NUP210: variants seen among roughly 807,000 people sequenced by gnomAD.
The protein encoded by NUP210 is nucleoporin 210.
NUP210 carries 151 observed loss-of-function variants against 196.0 expected under a neutral mutation model. The ratio of observed to expected loss-of-function variants is 0.77; its 90% confidence interval spans 0.67 to 0.88. The LOEUF (loss-of-function observed/expected upper bound fraction) is 0.88, where lower values mean the gene tolerates loss of function less well. NUP210 is among the 40% of genes least tolerant of loss of function. The probability of loss-of-function intolerance (pLI) is 0.00; values close to 1 mark genes in which losing one functional copy is unlikely to be tolerated. For missense variants in NUP210, 2,314 were observed against 2,493.7 expected, an observed-to-expected ratio of 0.93 and a Z score of 1.53; for synonymous variants, 1,070 against 1,052.7, an observed-to-expected ratio of 1.02 and a Z score of -0.32.
At chr3:13,390,271 T>G (rs991012620) in intron 4 of NUP210, among the ~76,000 whole-genome samples, 1 of 152,128 alleles carries the variant, frequency 6.6e-6, no homozygotes, top group Admixed American at 6.5e-5. Flanking sequence ...AGACCACTTT[T>G]TGGACTAAAC....
intron 2 of NUP210, among the ~76,000 whole-genome samples, chr3:13,398,730 G>A (rs979374567): frequency 6.6e-6 from 1 of 152,068 alleles, no homozygotes; most frequent in Non-Finnish European, 1.5e-5. Flanking sequence ...AACCAGCCTG[G>A]ACAACACAGG....
chr3:13,408,787 CAAAAAAA>C (rs57395477), intron 1 of NUP210, among the ~76,000 whole-genome samples: 2 of 77,046 alleles, frequency 2.6e-5, no homozygotes, highest in Non-Finnish European at 6.0e-5. Context: ...GACTCTGTCT[CAAAAAAA>C]AAAAAAAAAA....
At chr3:13,395,382 A>G (rs1439930934) in intron 3 of NUP210, among the ~76,000 whole-genome samples, 2 of 152,242 alleles carry the variant, frequency 1.3e-5, no homozygotes, top group Non-Finnish European at 2.9e-5. Context: ...CAATGGTGCC[A>G]TCTCGGCTCA....
chr3:13,359,444 G>A (rs1698296104), intron 15 of NUP210, among the ~76,000 whole-genome samples: 1 of 151,926 alleles, frequency 6.6e-6, no homozygotes. Context: ...CATCTTTTCT[G>A]GCCATACCAG....
intron 3 of NUP210, among the ~76,000 whole-genome samples, chr3:13,393,518 G>A (rs1699556636): frequency 6.6e-6 from 1 of 152,244 alleles, no homozygotes. Context: ...GATTTGCAGG[G>A]CTCCGTGCAG....
intron 1 of NUP210, among the ~76,000 whole-genome samples, chr3:13,413,448 C>A (rs1050677291): frequency 2.0e-5 from 3 of 150,332 alleles, no homozygotes; most frequent in East Asian, 1.9e-4. Flanking sequence ...CCAGCCTGGG[C>A]GACAGAGCAA....
intron 36 of NUP210, 144 bp from the exon 37 acceptor site, chr3:13,320,123 C>CCCA: frequency 2.6e-6 from 2 of 758,912 alleles, no homozygotes; most frequent in African/African-American, 1.7e-5. Context: ...TGCTGGGCTT[C>CCCA]CCTCCTGGGG....
At chr3:13,361,474 C>T (rs1274521176) in intron 14 of NUP210, among the ~76,000 whole-genome samples, 1 of 152,170 alleles carries the variant, frequency 6.6e-6, no homozygotes, top group African/African-American at 2.4e-5. Flanking sequence ...TCCCAGCCAA[C>T]CTCCAGGAAG....
rs547947128 is a variant in NUP210, at chr3:13,343,029, G to A, written c.2964+146C>T. 10 of 930,150 alleles carry A rather than the reference G, an allele frequency of 1.1e-5. No individual in the cohort carries two copies. The East Asian group carries it at 2.5e-4, about 23-fold the overall frequency. 57.6% of individuals were successfully genotyped at this position (930,150 alleles called of 1,614,324 possible). A position where few individuals can be genotyped will look rare whatever the true frequency, so the allele number is the denominator to read the frequency against. On this transcript the variant is annotated intron_variant, in intron 21 of 39. Transcript: ENST00000254508. ...TCCTCCACATGGAGCGAAGGAGATGGGAGACAGCTCCGCAAGCTCACAGGG... is the reference window on the plus strand; with the variant it reads ...TCCTCCACATGGAGCGAAGGAGATGAGAGACAGCTCCGCAAGCTCACAGGG...
Position 13,322,294 on chromosome 3 carries a change from G to C in NUP210, c.4814C>G (p.Pro1605Arg). Reference sequence around the variant, plus strand: ...GGACTGGCAGCTGATGAGGGTCTCTGGGTGCAAGGCCTGGATGACTTCCCT... The same window carrying C: ...GGACTGGCAGCTGATGAGGGTCTCTCGGTGCAAGGCCTGGATGACTTCCCT... The part of the protein sequence containing the change: ...TQREVIQALH[P>R]ETLISCQSQF... The change falls in exon 35 of 40, where the codon CCA becomes CGA. Residue 1605 changes from proline (P) to arginine (R), a missense_variant. Coordinates refer to ENST00000254508, the MANE Select transcript of NUP210 (RefSeq NM_024923.4). The C allele has an allele frequency of 1.9e-6, 3 of 1,614,218 alleles. No individual in the cohort carries two copies. Among genetic ancestry groups the C allele is most frequent in the Non-Finnish European group, 8.5e-7 (1 of 1,180,036 alleles).
chr3:13,402,550 G>A (rs1432308442), intron 1 of NUP210, among the ~76,000 whole-genome samples: 2 of 152,096 alleles, frequency 1.3e-5, no homozygotes, highest in Non-Finnish European at 2.9e-5. Flanking sequence ...GCTCTTCCCT[G>A]GGCTGCCACA....
Position 13,323,290 on chromosome 3 carries a change from C to T in NUP210, c.4768+19G>A. ...GCTCCCAGGTACTCTGAAGACAGCC[C>T]AAGCCCCTCATTAAGTACCTCTCAG... On this transcript the variant is annotated intron_variant, in intron 34 of 39. Coordinates refer to ENST00000254508, the MANE Select transcript of NUP210 (RefSeq NM_024923.4). The surrounding 1 kb of genome is among the most constrained non-coding windows in gnomAD (Gnocchi z 4.3). 3.1e-6 allele frequency: 5 copies of T among 1,613,974 alleles called. No homozygotes were observed. In the South Asian group the frequency reaches 5.5e-5, roughly 18 times the overall value.
intron 36 of NUP210, 116 bp from the exon 37 acceptor site, chr3:13,320,095 C>T: frequency 9.7e-6 from 9 of 926,846 alleles, no homozygotes; most frequent in Non-Finnish European, 4.9e-6. Context: ...CTGGAAGCAC[C>T]CCCGCTTCAG....
intron 27 of NUP210, 81 bp downstream of exon 27, chr3:13,336,706 T>C: frequency 1.4e-6 from 2 of 1,478,292 alleles, no homozygotes; most frequent in Non-Finnish European, 9.1e-7. Context: ...TGGGACAATG[T>C]GGCAGGAACC....
intron 10 of NUP210, 99 bp from the exon 11 acceptor site, chr3:13,375,740 C>G (rs1220718017): frequency 1.5e-6 from 2 of 1,335,174 alleles, no homozygotes; most frequent in Non-Finnish European, 1.0e-6. Flanking sequence ...GATCGGGTCA[C>G]AAAGGTGGAT....
rs775997615 is a variant in NUP210, at chr3:13,353,986, G to A, written c.2450C>T (p.Ala817Val). The A allele has an allele frequency of 2.0e-5, 32 of 1,609,294 alleles. No individual in the cohort carries two copies. Among genetic ancestry groups the A allele is most frequent in the Middle Eastern group, 1.7e-4 (1 of 6,058 alleles). The stretch of plus-strand genomic sequence containing the variant: ...CATGGGCAGCTCAGGCTCGATGCTG[G>A]CCAACACTGGCCTGGTGGACTCCCA... ...IQWESTRPVL[A>V]SIEPELPMQL... Residue 817 changes from alanine (A) to valine (V), a missense_variant, in exon 17 of 40, where the codon GCC (alanine) becomes GTC (valine). Coordinates refer to ENST00000254508, the MANE Select transcript of NUP210 (RefSeq NM_024923.4).
At chr3:13,416,735 T>G (rs1019632895) in intron 1 of NUP210, among the ~76,000 whole-genome samples, 2 of 152,146 alleles carry the variant, frequency 1.3e-5, no homozygotes, top group African/African-American at 2.4e-5. Flanking sequence ...CACGGAGCCC[T>G]CAGGAAGAAG....
intron 29 of NUP210, 34 bp from the exon 30 acceptor site, chr3:13,330,668 T>C: frequency 6.3e-7 from 1 of 1,597,918 alleles, no homozygotes; most frequent in Non-Finnish European, 8.6e-7. Flanking sequence ...TTTTTGTAGA[T>C]GGCAGCAGTG....
chr3:13,375,709 G>A lies in NUP210; in HGVS notation c.1294-68C>T, dbSNP rs531794091. On this transcript the variant is annotated intron_variant, in intron 10 of 39. Transcript: ENST00000254508. ...TCATCATCAGTCTTTCCCAGTCACCGGACCCCCACCCCTCCCTGGGGATCG... is the reference window on the plus strand; with the variant it reads ...TCATCATCAGTCTTTCCCAGTCACCAGACCCCCACCCCTCCCTGGGGATCG... 18 of 1,528,532 alleles carry A rather than the reference G, an allele frequency of 1.2e-5. No homozygotes were observed. The South Asian group carries it at 1.5e-4, about 13-fold the overall frequency. 94.7% of individuals were successfully genotyped at this position (1,528,532 alleles called of 1,614,324 possible).
Sources: allele counts gnomAD v4.1 joint callset (sites outside exome capture counted in the v4.1 genomes callset), GRCh38; gene constraint gnomAD v4.1.1; non-coding constraint Gnocchi (gnomAD v3.1); transcripts MANE v1.5; gene names NCBI Gene and HGNC (gene_info 2026-07-23, HGNC 2026-07-21).